PIGK: variants seen among roughly 807,000 people sequenced by gnomAD.
PIGK encodes GPI-anchor transamidase.
PIGK carries 42 observed loss-of-function variants against 50.6 expected under a neutral mutation model. That is an observed-to-expected ratio of 0.83 (90% CI 0.65 to 1.07). The LOEUF is 1.07. PIGK is among the 50% of genes least tolerant of loss of function. PIGK has a pLI of 0.00. For missense variants in PIGK, 448 were observed against 488.7 expected (o/e 0.92, Z 0.78); for synonymous variants, 151 against 156.0 (o/e 0.97, Z 0.24).
intron 3 of PIGK, among the ~76,000 whole-genome samples, chr1:77,174,894 T>TA (rs1655448202): frequency 6.7e-6 from 1 of 149,942 alleles, no homozygotes; most frequent in Admixed American, 6.7e-5. Flanking sequence ...AACTGGCAAA[T>TA]AAAAAATCTT....
intron 3 of PIGK, among the ~76,000 whole-genome samples, chr1:77,188,341 C>T (rs866606381): frequency 9.2e-5 from 14 of 152,062 alleles, no homozygotes; most frequent in South Asian, 6.2e-4. Context: ...CCCCCAGGTG[C>T]GCCTGTCTCT....
chr1:77,121,803 G>A (rs1464275964), intron 10 of PIGK, among the ~76,000 whole-genome samples: 4 of 152,166 alleles, frequency 2.6e-5, no homozygotes, highest in Non-Finnish European at 5.9e-5. Flanking sequence ...ATTATAATTG[G>A]AAATGAACAA....
intron 3 of PIGK, among the ~76,000 whole-genome samples, chr1:77,201,918 C>T (rs1210212653): frequency 6.6e-6 from 1 of 151,642 alleles, no homozygotes; most frequent in Non-Finnish European, 1.5e-5. Context: ...ATTAGCCAGG[C>T]ATGGTGGTGC....
chr1:77,154,624 G>T lies in PIGK; in HGVS notation c.814-3C>A. On this transcript the variant is annotated splice_polypyrimidine_tract_variant and splice_region_variant and intron_variant, in intron 8 of 10. Transcript: ENST00000370812. ...AGACTTTTGGGACATACCTGAAACT[G>T]AAAAAATATATAATAATAAATGCAT... 6.3e-7 allele frequency: 1 copy of T among 1,586,468 alleles called. No homozygotes were observed.
intron 9 of PIGK, chr1:77,129,530 C>G (rs1233478158): frequency 1.5e-6 from 2 of 1,328,722 alleles, no homozygotes; most frequent in Non-Finnish European, 2.1e-6. Context: ...TTAACCCATA[C>G]ATGAGCTCTC....
intron 10 of PIGK, among the ~76,000 whole-genome samples, chr1:77,102,211 G>C (rs1039830133): frequency 6.6e-6 from 1 of 152,160 alleles, no homozygotes; most frequent in Non-Finnish European, 1.5e-5. Context: ...CTCCACAGGA[G>C]AGGCATCCAC....
rs1193369283 is a variant in PIGK at position 77,206,644 on chromosome 1, C to T, written c.235G>A (p.Asp79Asn). The T allele has an allele frequency of 6.3e-7, 1 of 1,575,288 alleles. No homozygotes were observed. The highest frequency in any genetic ancestry group is 1.7e-5 in the Admixed American group (1 of 59,816). ...YRSVKRLGIPDSHIVLMLADD... is the reference protein window; with the variant it reads ...YRSVKRLGIPNSHIVLMLADD... The stretch of plus-strand genomic sequence containing the variant: ...AGCTTTATTAAGGCTTCTTACCTGT[C>T]AGGAATACCTAGCCTCTTGACACTT... The change falls in exon 3 of 11, where the codon GAC (aspartate) becomes AAC (asparagine). Residue 79 changes from aspartate to asparagine, a missense_variant. By Grantham distance (23) the Asp-to-Asn change is conservative. Transcript: ENST00000370812.
chr1:77,123,729 A>G (rs527316197), intron 9 of PIGK, among the ~76,000 whole-genome samples: 2 of 152,292 alleles, frequency 1.3e-5, no homozygotes, highest in African/African-American at 4.8e-5. Flanking sequence ...TAGTTACACA[A>G]TAATATAAAT....
chr1:77,125,109 A>G (rs1473081545), intron 9 of PIGK, among the ~76,000 whole-genome samples: 1 of 152,242 alleles, frequency 6.6e-6, no homozygotes, highest in Non-Finnish European at 1.5e-5. Context: ...AAGATGAAAT[A>G]CATTTTTTTC....
At chr1:77,185,682 G>C (rs1327466925) in intron 3 of PIGK, among the ~76,000 whole-genome samples, 1 of 152,184 alleles carries the variant, frequency 6.6e-6, no homozygotes, top group East Asian at 1.9e-4. Context: ...AACAGGAGAA[G>C]GCTCTGCAAC....
intron 10 of PIGK, among the ~76,000 whole-genome samples, chr1:77,120,462 C>A (rs1654072335): frequency 6.6e-6 from 1 of 152,092 alleles, no homozygotes; most frequent in Admixed American, 6.6e-5. Context: ...TCAAGTGATC[C>A]ATCCACCTCA....
chr1:77,102,521 G>C (rs975190968), intron 10 of PIGK, among the ~76,000 whole-genome samples: 2 of 152,102 alleles, frequency 1.3e-5, no homozygotes, highest in African/African-American at 4.8e-5. Context: ...TGGAGGAAAG[G>C]GGTCATGAGC....
chr1:77,150,182 A>C (rs185830460), intron 9 of PIGK, among the ~76,000 whole-genome samples: 1 of 152,260 alleles, frequency 6.6e-6, no homozygotes, highest in African/African-American at 2.4e-5. Flanking sequence ...AAAGAACTCA[A>C]AAATCAAGAG....
intron 10 of PIGK, among the ~76,000 whole-genome samples, chr1:77,114,900 A>G (rs1653928546): frequency 6.6e-6 from 1 of 152,196 alleles, no homozygotes; most frequent in Non-Finnish European, 1.5e-5. Flanking sequence ...AAAGCGCTAC[A>G]AGATTTTAAA....
At chr1:77,173,650 G>T (rs944320094) in intron 3 of PIGK, among the ~76,000 whole-genome samples, 8 of 152,178 alleles carry the variant, frequency 5.3e-5, no homozygotes, top group Admixed American at 2.0e-4. Context: ...TGCAAAAAAA[G>T]GATTCTGAGG....
chr1:77,162,398 T>C (rs1655148914), intron 6 of PIGK, among the ~76,000 whole-genome samples: 1 of 152,054 alleles, frequency 6.6e-6, no homozygotes. Context: ...TGTAAAAAAG[T>C]ATAAGTGCTT....
At chr1:77,183,318 C>A (rs1655663891) in intron 3 of PIGK, among the ~76,000 whole-genome samples, 1 of 152,214 alleles carries the variant, frequency 6.6e-6, no homozygotes, top group East Asian at 1.9e-4. Flanking sequence ...AACATCCCCT[C>A]TCCGACCCAT....
intron 3 of PIGK, chr1:77,194,888 G>C: frequency 2.2e-6 from 1 of 462,186 alleles, no homozygotes; most frequent in Non-Finnish European, 4.2e-6. Flanking sequence ...CTGATATTTC[G>C]GACAGGGAAC....
At position 77,122,224 on chromosome 1, in the gene PIGK, T is replaced by A. The variant is rs750897385; in HGVS notation, c.1071+51A>T. 7 of 1,170,550 alleles carry A rather than the reference T, an allele frequency of 6.0e-6. No individual in the cohort carries two copies. In the East Asian group the frequency reaches 1.6e-4, roughly 27 times the overall value. The allele number at this position is 1,170,550 out of a possible 1,614,324, so 72.5% of individuals were successfully genotyped here. A position where few individuals can be genotyped will look rare whatever the true frequency, so the allele number is the denominator to read the frequency against. On this transcript the variant is annotated intron_variant, in intron 10 of 10. Coordinates refer to ENST00000370812, the MANE Select transcript of PIGK (RefSeq NM_005482.3). ...AAAACCTAACAAAAGCAATTACTTC[T>A]CAGCGATTAAAAATCTTGTTTCTTT...
Sources: allele counts gnomAD v4.1 joint callset (sites outside exome capture counted in the v4.1 genomes callset), GRCh38; gene constraint gnomAD v4.1.1; transcripts MANE v1.5; gene names NCBI Gene and HGNC (gene_info 2026-07-23, HGNC 2026-07-21).